Variants in STAMBP observed in about 807,000 individuals in gnomAD.
STAMBP encodes STAM binding protein, also known as STAM-binding protein.
In STAMBP, 31 loss-of-function variants were observed where a neutral mutation model predicts 50.7. The observed-to-expected ratio is 0.61, with a 90% confidence interval of 0.46 to 0.83. The LOEUF (loss-of-function observed/expected upper bound fraction) is 0.83. Among genes scored for constraint, STAMBP ranks in the 40% least tolerant of loss-of-function variants. The probability of loss-of-function intolerance (pLI) is 0.00; values close to 1 mark genes in which losing one functional copy is unlikely to be tolerated. For synonymous variants in STAMBP, 211 were observed against 192.4 expected, an observed-to-expected ratio of 1.10 and a Z score of -0.80; for missense variants, 472 against 518.9, an observed-to-expected ratio of 0.91 and a Z score of 0.88.
At chr2:73,859,229 C>A (rs1677981342) in intron 7 of STAMBP, 25 bp from the exon 8 acceptor site, 1 of 1,590,624 alleles carries the variant, frequency 6.3e-7, no homozygotes, top group Non-Finnish European at 8.6e-7. Flanking sequence ...CGCTAAGAGT[C>A]CTCTGACTCT....
intron 7 of STAMBP, among the ~76,000 whole-genome samples, chr2:73,852,198 AAGG>A (rs1436006863): frequency 1.3e-5 from 2 of 152,100 alleles, no homozygotes; most frequent in African/African-American, 4.8e-5. Flanking sequence ...TGTGTTTGGG[AAGG>A]AGGAGATGAA....
Position 73,863,336 on chromosome 2 carries a change from T to A in STAMBP, c.*1077T>A, listed in dbSNP as rs758827743. ...ATTTTCTGTGAGCTGAGCCTGGTGT[T>A]CTAGGTGGCCTAGAAATAATGGTGT... is the stretch of plus-strand genomic sequence containing the variant. On this transcript the variant is annotated 3_prime_UTR_variant, in exon 10 of 10. Transcript: ENST00000394070. The A allele has an allele frequency of 2.6e-5, 4 of 152,218 alleles. No homozygotes were observed. The highest frequency in any genetic ancestry group is 5.9e-5 in the Non-Finnish European group (4 of 68,046). 9.4% of individuals were successfully genotyped at this position (152,218 alleles called of 1,614,324 possible).
rs1239064496 is a variant in STAMBP at position 73,849,344 on chromosome 2, TCTC to T, written c.743-16_743-14del. 3 of 1,613,282 alleles carry T rather than the reference TCTC, an allele frequency of 1.9e-6. No homozygotes were observed. Among genetic ancestry groups the T allele is most frequent in the East Asian group, 2.2e-5 (1 of 44,882 alleles). ...GCAGGGCTCAGTGGTCGCAGACTAT[TCTC>T]CTTTCTCCTTTACAGTTCCCACAAT... On this transcript the variant is annotated splice_polypyrimidine_tract_variant and intron_variant, in intron 5 of 9. Coordinates refer to ENST00000394070, the MANE Select transcript of STAMBP (RefSeq NM_213622.4).
intron 7 of STAMBP, among the ~76,000 whole-genome samples, chr2:73,857,281 A>G (rs1368044169): frequency 6.6e-6 from 1 of 152,114 alleles, no homozygotes; most frequent in South Asian, 2.1e-4. Context: ...ACAGTCCTTC[A>G]TCCAACCAGG....
In STAMBP at chr2:73,860,273, G is replaced by A. The variant is rs530146587; in HGVS notation, c.1218+122G>A. On this transcript the variant is annotated intron_variant, in intron 9 of 9. Transcript: ENST00000394070. Reference sequence around the variant, plus strand: ...ACCAGCTTTGTCACTTACCTTGCCAGATCTCCATAATAAGGACGTACATGA... The same window carrying A: ...ACCAGCTTTGTCACTTACCTTGCCAAATCTCCATAATAAGGACGTACATGA... 616 of 771,864 alleles carry A rather than the reference G, an allele frequency of 8.0e-4. 4 individuals are homozygous for A. Among genetic ancestry groups the A allele is most frequent in the Non-Finnish European group, 1.0e-3 (481 of 481,312 alleles). The allele number at this position is 771,864 out of a possible 1,614,324, so 47.8% of individuals were successfully genotyped here. A position where few individuals can be genotyped will look rare whatever the true frequency, so the allele number is the denominator to read the frequency against.
intron 7 of STAMBP, among the ~76,000 whole-genome samples, chr2:73,854,121 A>G (rs2104602502): frequency 6.6e-6 from 1 of 152,356 alleles, no homozygotes; most frequent in Admixed American, 6.5e-5. Context: ...TGAGAAGTAC[A>G]TAGAGGGATT....
chr2:73,839,313 G>A (rs1003823292), intron 2 of STAMBP, among the ~76,000 whole-genome samples: 17 of 152,172 alleles, frequency 1.1e-4, no homozygotes, highest in African/African-American at 3.9e-4. Context: ...CATGATGAGC[G>A]CAGACAATAA....
intron 2 of STAMBP, among the ~76,000 whole-genome samples, chr2:73,832,241 G>T (rs1278174510): frequency 1.3e-5 from 2 of 151,548 alleles, no homozygotes; most frequent in East Asian, 3.9e-4. Flanking sequence ...GATCACCTGA[G>T]GTCAAGAGTT....
intron 2 of STAMBP, among the ~76,000 whole-genome samples, chr2:73,834,261 A>T (rs1430813881): frequency 2.2e-5 from 2 of 89,824 alleles, no homozygotes; most frequent in African/African-American, 8.5e-5. Flanking sequence ...ATATATATAT[A>T]TATATATATA....
At chr2:73,834,239 ATATATATATATATATATATATAT>A (rs1558558164) in intron 2 of STAMBP, among the ~76,000 whole-genome samples, 3,377 of 15,590 alleles carry the variant, frequency 0.22, 613 homozygotes, top group South Asian at 0.29. Context: ...AAAAAAAAAT[ATATATATATATATATATATATAT>A]ATATATATAT....
rs74444162 is a variant in STAMBP at position 73,849,818 on chromosome 2, G to A, written c.867+331G>A. 9.1e-3 allele frequency among the ~76,000 whole-genome samples: 1,392 copies of A among 152,238 alleles called. 48 individuals are homozygous for A. Among genetic ancestry groups the A allele is most frequent in the Admixed American group, 0.058 (890 of 15,290 alleles). On this transcript the variant is annotated intron_variant, in intron 6 of 9. Transcript: ENST00000394070. ...TGTAAAGCACATAGTATGTGTCCAC[G>A]AAAAGTGCCCAGTCACTTTGGAGAG... is the stretch of plus-strand genomic sequence containing the variant.
Position 73,847,374 on chromosome 2 carries a change from T to C in STAMBP, c.376-13T>C, listed in dbSNP as rs147798075. On this transcript the variant is annotated splice_polypyrimidine_tract_variant and intron_variant, in intron 4 of 9. Coordinates refer to ENST00000394070, the MANE Select transcript of STAMBP (RefSeq NM_213622.4). ...AGGTGTGAAGTGTTAGCCTAAATTT[T>C]CTCTCTTTGTAGAAGAAGGAAGCAG... The C allele has an allele frequency of 1.4e-3, 2,184 of 1,579,870 alleles. 3 individuals are homozygous for C. Among genetic ancestry groups the C allele is most frequent in the Non-Finnish European group, 1.7e-3 (2,003 of 1,163,206 alleles).
chr2:73,873,204 AC>A (rs1679267323), intron 10 of STAMBP: 1 of 152,246 alleles, frequency 6.6e-6, no homozygotes, highest in South Asian at 2.1e-4. Flanking sequence ...TGTTTTCTGC[AC>A]TGACATTTTA....
chr2:73,843,226 C>G (rs1675637148), intron 2 of STAMBP, among the ~76,000 whole-genome samples: 1 of 134,392 alleles, frequency 7.4e-6, no homozygotes, highest in East Asian at 2.2e-4. Flanking sequence ...GAGATAGGAT[C>G]TCCCTCTGTC....
intron 9 of STAMBP, among the ~76,000 whole-genome samples, chr2:73,861,015 CT>C (rs1371958749): frequency 1.3e-5 from 2 of 152,156 alleles, no homozygotes; most frequent in Admixed American, 6.5e-5. Context: ...TGAGGAAGAA[CT>C]TTCTGACAAA....
intron 7 of STAMBP, among the ~76,000 whole-genome samples, chr2:73,853,059 G>A (rs78931388): frequency 1.3e-5 from 2 of 151,918 alleles, no homozygotes; most frequent in African/African-American, 4.8e-5. Flanking sequence ...ACCCGGCCAA[G>A]GAAGGCTTTA....
At position 73,847,398 on chromosome 2, in the gene STAMBP, A is replaced by G; in HGVS notation, c.387A>G (p.Ala129=). The G allele has an allele frequency of 6.2e-7, 1 of 1,602,434 alleles. No individual in the cohort carries two copies. Among genetic ancestry groups the G allele is most frequent in the Non-Finnish European group, 8.5e-7 (1 of 1,173,318 alleles). Residue 129 remains alanine (A), a synonymous_variant, in exon 5 of 10, where the codon GCA becomes GCG. Transcript: ENST00000394070. ...TTCTCTCTTTGTAGAAGAAGGAAGC[A>G]GAGGAATTGGCCCGGAACATGGCCA... ...TEYNEEKKKE[A]EELARNMAIQ...
chr2:73,834,164 T>A (rs1476188090), intron 2 of STAMBP, among the ~76,000 whole-genome samples: 4 of 129,654 alleles, frequency 3.1e-5, no homozygotes, highest in Non-Finnish European at 4.7e-5. Context: ...TGAGCCGAGA[T>A]CACGCCACTG....
intron 9 of STAMBP, chr2:73,860,517 C>G (rs1573403803): frequency 1.0e-6 from 1 of 991,408 alleles, no homozygotes; most frequent in Non-Finnish European, 1.2e-6. Context: ...TTCCTTTCAT[C>G]AATGTCTCTT....
Sources: gnomAD v4.1 joint callset for allele counts (sites outside exome capture counted in the v4.1 genomes callset) on GRCh38, gnomAD v4.1.1 for gene constraint, MANE v1.5 for transcripts, NCBI Gene and HGNC (gene_info 2026-07-23, HGNC 2026-07-21) for gene names.